HEATR1: variants seen among roughly 807,000 people sequenced by gnomAD.
HEATR1 encodes the protein HEAT repeat containing 1, also known as HEAT repeat-containing protein 1.
In HEATR1, 77 loss-of-function variants were observed where a neutral mutation model predicts 248.2. That is an observed-to-expected ratio of 0.31 (90% confidence interval 0.26 to 0.37). HEATR1 has a LOEUF of 0.37. Among genes scored for constraint, HEATR1 ranks in the 10% least tolerant of loss-of-function variants. The pLI, the probability that HEATR1 is intolerant of heterozygous loss-of-function variation, is 1.00. For missense variants in HEATR1, 2,420 were observed against 2,504.9 expected (o/e 0.97, Z 0.72); for synonymous variants, 897 against 923.1 (o/e 0.97, Z 0.51).
At position 236,576,727 on chromosome 1, in the gene HEATR1, C is replaced by G. The variant is rs1663570262; in HGVS notation, c.2925+53G>C. ...GAAATGTCGAGAATGGAGAAAATTG[C>G]TCCAGTACACAGAGGCATGAACACA... On this transcript the variant is annotated intron_variant, in intron 21 of 44. Coordinates refer to ENST00000366582, the MANE Select transcript of HEATR1 (RefSeq NM_018072.6). 3.3e-6 allele frequency: 5 copies of G among 1,495,700 alleles called. 1 individual carries two copies. Among genetic ancestry groups the G allele is most frequent in the East Asian group, 4.6e-5 (2 of 43,502 alleles). The allele number at this position is 1,495,700 out of a possible 1,614,324, so 92.7% of individuals were successfully genotyped here.
rs115133141 is a variant in HEATR1, at chr1:236,578,361, C to T, written c.2756-1412G>A. Among the ~76,000 whole-genome samples the T allele has an allele frequency of 4.0e-3, 603 of 152,224 alleles. 4 individuals are homozygous for T. The highest frequency in any genetic ancestry group is 0.014 in the African/African-American group (570 of 41,548). On this transcript the variant is annotated intron_variant, in intron 20 of 44. Coordinates refer to ENST00000366582, the MANE Select transcript of HEATR1 (RefSeq NM_018072.6). ...GTATTTGAAACTTGTCTATTTCTGCCGGCTAGTACTTCTAGAATCATGTTC... is the reference window on the plus strand; with the variant it reads ...GTATTTGAAACTTGTCTATTTCTGCTGGCTAGTACTTCTAGAATCATGTTC...
At chr1:236,551,105 G>T in intron 44 of HEATR1, 115 bp from the exon 45 acceptor site, 2 of 798,750 alleles carry the variant, frequency 2.5e-6, no homozygotes, top group Non-Finnish European at 3.8e-6. Flanking sequence ...AATCAAAAGA[G>T]TGAAATGAAG....
At chr1:236,587,637 C>G in intron 13 of HEATR1, 147 bp from the exon 14 acceptor site, 1 of 451,068 alleles carries the variant, frequency 2.2e-6, no homozygotes, top group Non-Finnish European at 3.9e-6. Flanking sequence ...ATCTATTTCT[C>G]AAAAGTGGCA....
At chr1:236,566,159 A>G in intron 30 of HEATR1, 114 bp from the exon 31 acceptor site, 3 of 953,426 alleles carry the variant, frequency 3.1e-6, no homozygotes, top group South Asian at 1.8e-5. Flanking sequence ...CTTTATTTAG[A>G]GTGGGTCGAG....
At chr1:236,577,935 C>T (rs1165890238) in intron 20 of HEATR1, among the ~76,000 whole-genome samples, 1 of 152,252 alleles carries the variant, frequency 6.6e-6, no homozygotes, top group South Asian at 2.1e-4. Flanking sequence ...CTTGTACAAG[C>T]GTGCACGGGA....
At chr1:236,572,683 C>A in intron 25 of HEATR1, 42 bp downstream of exon 25, 1 of 1,597,922 alleles carries the variant, frequency 6.3e-7, no homozygotes, top group South Asian at 1.1e-5. Flanking sequence ...CATTCAGAGT[C>A]AGGGAACAAC....
intron 3 of HEATR1, among the ~76,000 whole-genome samples, chr1:236,601,289 C>T (rs1572056335): frequency 1.3e-5 from 2 of 151,790 alleles, no homozygotes; most frequent in African/African-American, 4.8e-5. Flanking sequence ...CCCTGTTACC[C>T]AGGCTGGAGT....
intron 43 of HEATR1, chr1:236,552,332 C>T (rs1373030652): frequency 6.1e-6 from 2 of 329,540 alleles, no homozygotes; most frequent in Non-Finnish European, 1.1e-5. Flanking sequence ...CAAACTGTGT[C>T]CCAGGACTGC....
chr1:236,587,748 C>T (rs1558189488), intron 13 of HEATR1, among the ~76,000 whole-genome samples, 200 bp downstream of exon 13: 1 of 152,048 alleles, frequency 6.6e-6, no homozygotes, highest in Non-Finnish European at 1.5e-5. Flanking sequence ...GTTTGAACAA[C>T]TTCCATATAT....
intron 12 of HEATR1, among the ~76,000 whole-genome samples, chr1:236,589,805 T>C (rs902414995): frequency 2.6e-5 from 4 of 152,230 alleles, no homozygotes; most frequent in Non-Finnish European, 5.9e-5. Flanking sequence ...AGCATTCCTA[T>C]TTTAATTATA....
intron 6 of HEATR1, 96 bp from the exon 7 acceptor site, chr1:236,596,140 A>C: frequency 2.3e-6 from 2 of 853,284 alleles, no homozygotes; most frequent in Non-Finnish European, 3.6e-6. Context: ...CATAGAGATT[A>C]ATACAACCTA....
chr1:236,585,843 C>G lies in HEATR1; in HGVS notation c.2026G>C (p.Asp676His). 6.2e-7 allele frequency: 1 copy of G among 1,612,736 alleles called. No homozygotes were observed. Among genetic ancestry groups the G allele is most frequent in the Non-Finnish European group, 8.5e-7 (1 of 1,179,068 alleles). ...ACCATCTTTAACATTGAAGAAGGAT[C>G]TCCTAAATTTATATTATCAGCCAAC... is the stretch of plus-strand genomic sequence containing the variant. The part of the protein sequence containing the change: ...ELLADNINLG[D>H]PSSMLKMVED... The change falls in exon 16 of 45, where the codon GAT becomes CAT. Residue 676 changes from aspartate (D) to histidine (H), a missense_variant. Asp to His is a moderately conservative substitution (Grantham distance 81). Coordinates refer to ENST00000366582, the MANE Select transcript of HEATR1 (RefSeq NM_018072.6).
Position 236,595,607 on chromosome 1 carries a change from G to GT in HEATR1, c.1022dup (p.Tyr341Ter). 6.2e-7 allele frequency: 1 copy of GT among 1,608,040 alleles called. No individual in the cohort carries two copies. Residue 341 changes from tyrosine to a stop codon, truncating the protein, a stop_gained and frameshift_variant, in exon 8 of 45, where the codon TAC becomes TAAC. Transcript: ENST00000366582. LOFTEE classifies it high-confidence loss of function. ...TGTAATGCAGAAGAGGACTGACATC[G>GT]TAAGTTTCAGAAATCCCATGAAGTA... ...ITILHGISET[Y>*]DVSPLLHYML...
chr1:236,563,995 G>A (rs529923220), intron 32 of HEATR1, among the ~76,000 whole-genome samples: 1 of 152,198 alleles, frequency 6.6e-6, no homozygotes, highest in South Asian at 2.1e-4. Flanking sequence ...GCACACGCCT[G>A]TAGTCCCAGC....
In HEATR1 at chr1:236,585,186, C is replaced by A. The variant is rs1264495958; in HGVS notation, c.2080G>T (p.Glu694Ter). 1.9e-6 allele frequency: 3 copies of A among 1,612,880 alleles called. No individual in the cohort carries two copies. Among genetic ancestry groups the A allele is most frequent in the African/African-American group, 2.7e-5 (2 of 74,842 alleles). ...VEDLISVGEE[E>*]SFNLKQKVTF... ...ACTTTCTGCTTCAGGTTAAAGGACT[C>A]CTCCTCACCCACGCTTATTAAATCC... The change falls in exon 17 of 45, where the codon GAG becomes TAG. Residue 694 changes from glutamate to a stop codon, truncating the protein, a stop_gained. Transcript: ENST00000366582. LOFTEE classifies it high-confidence loss of function.
chr1:236,593,489 CTT>C (rs1269236754), intron 9 of HEATR1, among the ~76,000 whole-genome samples: 1 of 149,450 alleles, frequency 6.7e-6, no homozygotes, highest in Non-Finnish European at 1.5e-5. Context: ...ACCTCCAAAA[CTT>C]ACTATAGCCC....
At position 236,595,916 on chromosome 1, in the gene HEATR1, G is replaced by A. The variant is rs1412494176; in HGVS notation, c.873C>T (p.Thr291=). 2 of 1,613,792 alleles carry A rather than the reference G, an allele frequency of 1.2e-6. No homozygotes were observed. Among genetic ancestry groups the A allele is most frequent in the African/African-American group, 1.3e-5 (1 of 74,894 alleles). Reference sequence around the variant, plus strand: ...CATCCTTGATCAAAGAGGGAATCTTGGTCAATGTTTTGATGATCTGTGATG... The same window carrying A: ...CATCCTTGATCAAAGAGGGAATCTTAGTCAATGTTTTGATGATCTGTGATG... The part of the protein sequence containing the change: ...SLASQIIKTL[T]KIPSLIKDGL... Residue 291 remains threonine, a synonymous_variant, in exon 7 of 45, where the codon ACC becomes ACT. Coordinates refer to ENST00000366582, the MANE Select transcript of HEATR1 (RefSeq NM_018072.6).
At chr1:236,567,904 T>G (rs1663317451) in intron 29 of HEATR1, among the ~76,000 whole-genome samples, 1 of 152,252 alleles carries the variant, frequency 6.6e-6, no homozygotes, top group African/African-American at 2.4e-5. Flanking sequence ...TTCCTGCTGC[T>G]TTCAGAATAA....
chr1:236,603,076 T>G, intron 3 of HEATR1, 84 bp downstream of exon 3: 1 of 991,588 alleles, frequency 1.0e-6, no homozygotes, highest in South Asian at 1.4e-5. Flanking sequence ...TTTTCAGCTT[T>G]AATTTGATAA....
Sources: gnomAD v4.1 joint callset for allele counts (sites outside exome capture counted in the v4.1 genomes callset) on GRCh38, gnomAD v4.1.1 for gene constraint, MANE v1.5 for transcripts, NCBI Gene and HGNC (gene_info 2026-07-23, HGNC 2026-07-21) for gene names.